Variants in BMPR2 observed in about 807,000 individuals in gnomAD.
BMPR2 encodes bone morphogenetic protein receptor type 2.
A neutral mutation model predicts 100.8 loss-of-function variants in BMPR2; 29 were observed. The observed-to-expected ratio is 0.29, with a 90% confidence interval of 0.21 to 0.39. The LOEUF is 0.39. Among genes scored for constraint, BMPR2 ranks in the 10% least tolerant of loss-of-function variants. BMPR2 has a pLI of 1.00. For synonymous variants in BMPR2, 382 were observed against 442.3 expected (o/e 0.86, Z 1.71); for missense variants, 1,011 against 1,274.5 (o/e 0.79, Z 3.15).
chr2:202,513,799 G>C lies in BMPR2; in HGVS notation c.499G>C (p.Ala167Pro). ...SVSVLAVLIV[A>P]LCFGYRMLTG... is the part of the protein sequence containing the mutation. ...CTCTGTATTAGCTGTTTTGATAGTT[G>C]CCTTATGCTTTGGATACAGAATGTT... The change falls in exon 4 of 13, where the codon GCC (alanine) becomes CCC (proline). Residue 167 changes from alanine (A) to proline (P), a missense_variant. Physicochemically the swap from Ala to Pro is conservative, Grantham distance 27. Around this residue, in one of 6 missense-constraint regions of BMPR2, gnomAD observed 355 missense variants for 455.3 expected, o/e 0.78. Transcript: ENST00000374580. 1 of 1,612,076 alleles carries C rather than the reference G, an allele frequency of 6.2e-7. No homozygotes were observed.
intron 1 of BMPR2, among the ~76,000 whole-genome samples, chr2:202,443,960 C>T (rs969835267): frequency 6.7e-6 from 1 of 150,372 alleles, no homozygotes; most frequent in Non-Finnish European, 1.5e-5. Flanking sequence ...GGTGGTACTA[C>T]CGACTAATAA....
chr2:202,418,932 T>C (rs1444935021), intron 1 of BMPR2, among the ~76,000 whole-genome samples: 7 of 152,222 alleles, frequency 4.6e-5, no homozygotes. Flanking sequence ...TTTCAAGATA[T>C]GGCAAATAAA....
chr2:202,515,495 C>T (rs1485362144), intron 5 of BMPR2, among the ~76,000 whole-genome samples: 5 of 150,938 alleles, frequency 3.3e-5, no homozygotes, highest in Non-Finnish European at 4.4e-5. Flanking sequence ...TGCTTGAACC[C>T]GGGAGGCAGA....
intron 3 of BMPR2, among the ~76,000 whole-genome samples, chr2:202,506,575 T>C (rs1476411594): frequency 6.6e-6 from 1 of 152,154 alleles, no homozygotes; most frequent in African/African-American, 2.4e-5. Context: ...GTTGGGGATT[T>C]AGGCTTCAAC....
In BMPR2 at chr2:202,562,690, A is replaced by G. The variant is rs538404164; in HGVS notation, c.*2744A>G. On this transcript the variant is annotated 3_prime_UTR_variant, in exon 13 of 13. Transcript: ENST00000374580. ...ATGGTAATGTAACCTTAAAAGCATC[A>G]TAATAGGTAAAGTCTAATATTAGTT... 1 of 152,210 alleles carries G rather than the reference A, an allele frequency of 6.6e-6. No individual in the cohort carries two copies. The highest frequency in any genetic ancestry group is 1.5e-5 in the Non-Finnish European group (1 of 68,020). The allele number at this position is 152,210 out of a possible 1,614,324, so 9.4% of individuals were successfully genotyped here.
intron 3 of BMPR2, among the ~76,000 whole-genome samples, chr2:202,469,112 C>T (rs1692382964): frequency 6.6e-6 from 1 of 152,166 alleles, no homozygotes; most frequent in Non-Finnish European, 1.5e-5. Context: ...CTCACCACAA[C>T]CTCTGCCTCC....
intron 1 of BMPR2, among the ~76,000 whole-genome samples, chr2:202,440,313 C>T (rs1185993680): frequency 6.7e-6 from 1 of 149,246 alleles, no homozygotes; most frequent in Admixed American, 6.6e-5. Flanking sequence ...CAGACACACT[C>T]CTCAGTTCCC....
intron 1 of BMPR2, among the ~76,000 whole-genome samples, chr2:202,450,858 G>A (rs921310669): frequency 3.3e-5 from 5 of 152,150 alleles, no homozygotes; most frequent in Non-Finnish European, 7.3e-5. Flanking sequence ...AACAGAATTT[G>A]TGATACTCTG....
Position 202,448,470 on chromosome 2 carries a change from T to TA in BMPR2, c.77-16327dup, listed in dbSNP as rs563534612. ...TCAAAAAAAAAATAAAAATAAAAAA[T>TA]AAAAAAAAAAAAGTGTTGCTCTGTC... is the stretch of plus-strand genomic sequence containing the variant. On this transcript the variant is annotated intron_variant, in intron 1 of 12. Transcript: ENST00000374580. Among the ~76,000 whole-genome samples, 359 of 137,070 alleles carry TA rather than the reference T, an allele frequency of 2.6e-3. 2 individuals are homozygous for TA. Among genetic ancestry groups the TA allele is most frequent in the African/African-American group, 7.8e-3 (295 of 37,622 alleles). The allele number at this position is 137,070 out of a possible 152,430, so 89.9% of individuals were successfully genotyped here.
In BMPR2 at chr2:202,442,127, C is replaced by G. The variant is rs1029250338; in HGVS notation, c.77-22682C>G. Among the ~76,000 whole-genome samples, 2 of 150,496 alleles carry G rather than the reference C, an allele frequency of 1.3e-5. 1 individual carries two copies. Among genetic ancestry groups the G allele is most frequent in the African/African-American group, 5.0e-5 (2 of 39,904 alleles). On this transcript the variant is annotated intron_variant, in intron 1 of 12. Coordinates refer to ENST00000374580, the MANE Select transcript of BMPR2 (RefSeq NM_001204.7). ...GTACTTCATCTGGGTTAACCTGTTACAGAGGGAGTTAGTCTAAGTGAATCT... is the reference window on the plus strand; with the variant it reads ...GTACTTCATCTGGGTTAACCTGTTAGAGAGGGAGTTAGTCTAAGTGAATCT...
At chr2:202,427,382 G>A (rs1300487421) in intron 1 of BMPR2, among the ~76,000 whole-genome samples, 1 of 147,526 alleles carries the variant, frequency 6.8e-6, no homozygotes, top group Non-Finnish European at 1.5e-5. Context: ...AAAAAAAAAG[G>A]GCAGGTATAT....
At chr2:202,531,106 C>G (rs1298458696) in intron 8 of BMPR2, 152 bp downstream of exon 8, 10 of 883,988 alleles carry the variant, frequency 1.1e-5, no homozygotes, top group Non-Finnish European at 1.7e-5. Context: ...AGTTCGAGAC[C>G]AGCTTGGCCA....
At chr2:202,489,932 A>T (rs1262530117) in intron 3 of BMPR2, among the ~76,000 whole-genome samples, 1 of 152,182 alleles carries the variant, frequency 6.6e-6, no homozygotes, top group East Asian at 1.9e-4. Context: ...ACAAGCATTT[A>T]TTCTCATAAT....
At chr2:202,412,614 C>T (rs573399860) in intron 1 of BMPR2, among the ~76,000 whole-genome samples, 23 of 152,210 alleles carry the variant, frequency 1.5e-4, no homozygotes, top group African/African-American at 4.6e-4. Context: ...CCACCGTGCC[C>T]GGCCGTTTCT....
intron 1 of BMPR2, among the ~76,000 whole-genome samples, chr2:202,433,028 C>T (rs960640796): frequency 6.7e-5 from 10 of 149,970 alleles, no homozygotes; most frequent in Non-Finnish European, 1.2e-4. Flanking sequence ...CAGATCTAGC[C>T]GTAAGCAAGT....
At chr2:202,504,358 A>T (rs1281368194) in intron 3 of BMPR2, among the ~76,000 whole-genome samples, 1 of 152,054 alleles carries the variant, frequency 6.6e-6, no homozygotes, top group Admixed American at 6.6e-5. Flanking sequence ...AGCCAGCGAG[A>T]CCAGGAGCCC....
intron 9 of BMPR2, among the ~76,000 whole-genome samples, chr2:202,539,580 A>G (rs1688232876): frequency 2.0e-5 from 3 of 151,480 alleles, no homozygotes; most frequent in African/African-American, 2.5e-5. Context: ...GTGCTGTATT[A>G]TTAAATGGAA....
At chr2:202,552,542 TCA>T (rs1488732813) in intron 10 of BMPR2, among the ~76,000 whole-genome samples, 172 bp from the exon 11 acceptor site, 3 of 152,254 alleles carry the variant, frequency 2.0e-5, no homozygotes, top group African/African-American at 7.2e-5. Flanking sequence ...GCTTACTTGT[TCA>T]TCACCTTTTG....
intron 1 of BMPR2, among the ~76,000 whole-genome samples, chr2:202,458,283 CAAAAA>C (rs71035009): frequency 3.8e-5 from 2 of 52,304 alleles, no homozygotes; most frequent in Non-Finnish European, 3.4e-5. Flanking sequence ...CTTGTCTCTG[CAAAAA>C]AAAAAAAAAA....
Sources: gnomAD v4.1 joint callset for allele counts (sites outside exome capture counted in the v4.1 genomes callset) on GRCh38, gnomAD v4.1.1 for gene constraint, gnomAD v4.1.1 regional missense constraint, MANE v1.5 for transcripts, NCBI Gene and HGNC (gene_info 2026-07-23, HGNC 2026-07-21) for gene names.